The following GPC6 variants were observed in gnomAD, a reference collection of about 807,000 sequenced individuals.
GPC6 encodes the protein glypican 6.
A neutral mutation model predicts 55.2 loss-of-function variants in GPC6; 14 were observed. The ratio of observed to expected loss-of-function variants is 0.25; its 90% CI spans 0.17 to 0.40. GPC6 has a LOEUF of 0.40. GPC6 is among the 10% of genes least tolerant of loss of function. GPC6 has a pLI of 1.00. For missense variants in GPC6, 641 were observed against 708.5 expected (o/e 0.90, Z 1.08); for synonymous variants, 278 against 259.6 (o/e 1.07, Z -0.68).
At chr13:94,254,356 T>A (rs56377779) in intron 4 of GPC6, among the ~76,000 whole-genome samples, 38,243 of 152,018 alleles carry the variant, frequency 0.25, 5,080 homozygotes, top group Non-Finnish European at 0.3. Context: ...GATTGAGATT[T>A]TGTTTGCCTC....
intron 1 of GPC6, among the ~76,000 whole-genome samples, chr13:93,451,166 G>A (rs917682759): frequency 3.9e-5 from 6 of 152,202 alleles, no homozygotes; most frequent in African/African-American, 1.2e-4. Flanking sequence ...CATGTGGAGA[G>A]GACCAGGTTA....
At chr13:93,921,446 TAA>T (rs1877564328) in intron 3 of GPC6, among the ~76,000 whole-genome samples, 5 of 152,070 alleles carry the variant, frequency 3.3e-5, no homozygotes, top group African/African-American at 1.2e-4. Context: ...TGGAGGATAG[TAA>T]ATGTAGGGGA....
intron 2 of GPC6, among the ~76,000 whole-genome samples, chr13:93,580,261 C>T (rs1437110478): frequency 6.6e-6 from 1 of 152,156 alleles, no homozygotes; most frequent in Non-Finnish European, 1.5e-5. Flanking sequence ...TAATCTCATT[C>T]ATGAGGGCTC....
intron 4 of GPC6, among the ~76,000 whole-genome samples, chr13:94,104,434 A>G (rs1249968956): frequency 1.3e-5 from 2 of 151,958 alleles, no homozygotes; most frequent in East Asian, 1.9e-4. Flanking sequence ...CTCTCTCACC[A>G]CTCCTATTCA....
intron 2 of GPC6, among the ~76,000 whole-genome samples, chr13:93,744,085 T>C (rs1281260562): frequency 6.6e-6 from 1 of 152,224 alleles, no homozygotes; most frequent in African/African-American, 2.4e-5. Context: ...TAATTCCTTT[T>C]ATACTGTGTT....
At chr13:94,162,582 G>A (rs997647410) in intron 4 of GPC6, among the ~76,000 whole-genome samples, 1 of 152,192 alleles carries the variant, frequency 6.6e-6, no homozygotes, top group Non-Finnish European at 1.5e-5. Context: ...GCTCTGCCTG[G>A]AAATCCAGGG....
intron 2 of GPC6, among the ~76,000 whole-genome samples, chr13:93,697,688 C>G (rs1018586925): frequency 4.6e-5 from 7 of 152,132 alleles, no homozygotes; most frequent in African/African-American, 1.7e-4. Flanking sequence ...TTAGAACTAA[C>G]AAATAATGTT....
At chr13:94,328,585 G>C (rs1027561449) in intron 6 of GPC6, among the ~76,000 whole-genome samples, 1 of 152,224 alleles carries the variant, frequency 6.6e-6, no homozygotes, top group African/African-American at 2.4e-5. Flanking sequence ...AGGAGCAGAC[G>C]TGAAGAGAGA....
intron 2 of GPC6, among the ~76,000 whole-genome samples, chr13:93,639,867 T>C (rs571897667): frequency 6.6e-6 from 1 of 152,178 alleles, no homozygotes; most frequent in Non-Finnish European, 1.5e-5. Context: ...TTAGCATTAC[T>C]GTAATTATAA....
intron 1 of GPC6, among the ~76,000 whole-genome samples, chr13:93,492,400 A>T (rs1385937531): frequency 6.7e-6 from 1 of 148,380 alleles, no homozygotes; most frequent in African/African-American, 2.5e-5. Flanking sequence ...GAAGTTGCTT[A>T]TCAGCTTAAG....
intron 2 of GPC6, among the ~76,000 whole-genome samples, chr13:93,555,830 G>A (rs1875431238): frequency 6.6e-6 from 1 of 152,092 alleles, no homozygotes; most frequent in African/African-American, 2.4e-5. Context: ...TCTTTGGTCT[G>A]GACTGAACTC....
chr13:94,265,047 A>G (rs1891758146), intron 4 of GPC6, among the ~76,000 whole-genome samples: 3 of 152,204 alleles, frequency 2.0e-5, no homozygotes. Context: ...TATGGGAGCT[A>G]CAACTCAAGA....
chr13:94,029,957 G>A (rs150282683), intron 4 of GPC6, among the ~76,000 whole-genome samples: 1 of 151,964 alleles, frequency 6.6e-6, no homozygotes, highest in East Asian at 1.9e-4. Context: ...AAAAGCAAGC[G>A]TGGTGGTTCG....
chr13:93,344,286 A>G (rs1410259312), intron 1 of GPC6, among the ~76,000 whole-genome samples: 1 of 152,220 alleles, frequency 6.6e-6, no homozygotes, highest in Non-Finnish European at 1.5e-5. Flanking sequence ...GCAAGTGGGC[A>G]GGGCCAGAAG....
rs1277515183 is a variant in GPC6 at position 93,640,729 on chromosome 13, TTCCCTCCCTCCTCCCCACTTTCCTTCCC to T, written c.319+95316_319+95343del. Among the ~76,000 whole-genome samples the T allele has an allele frequency of 0.029, 104 of 3,604 alleles. 7 individuals carry two copies. In the South Asian group the frequency reaches 0.33, roughly 11 times the overall value. 2.4% of individuals were successfully genotyped at this position (3,604 alleles called of 152,430 possible). A position where few individuals can be genotyped will look rare whatever the true frequency, so the allele number is the denominator to read the frequency against. ...CAGTCCTCCCTCCTCCCCACTTTCC[TTCCCTCCCTCCTCCCCACTTTCCTTCCC>T]TCCCTCCTCCCCACTTTCCTTCCCT... is the stretch of plus-strand genomic sequence containing the variant. On this transcript the variant is annotated intron_variant, in intron 2 of 8. Transcript: ENST00000377047.
intron 2 of GPC6, among the ~76,000 whole-genome samples, chr13:93,706,730 A>G (rs1882859810): frequency 6.6e-6 from 1 of 151,888 alleles, no homozygotes; most frequent in African/African-American, 2.4e-5. Flanking sequence ...TCAATAGTTT[A>G]ATAATGGAGA....
chr13:93,550,794 G>A (rs75589845), intron 2 of GPC6, among the ~76,000 whole-genome samples: 1 of 152,040 alleles, frequency 6.6e-6, no homozygotes, highest in African/African-American at 2.4e-5. Context: ...GATATTTTTT[G>A]TATGTGTGTG....
chr13:93,382,293 A>G (rs922654223), intron 1 of GPC6, among the ~76,000 whole-genome samples: 4 of 152,178 alleles, frequency 2.6e-5, no homozygotes, highest in Admixed American at 6.5e-5. Flanking sequence ...ATTCATTTTT[A>G]TTCCTCCTTA....
chr13:93,518,094 G>C (rs1228404286), intron 1 of GPC6, among the ~76,000 whole-genome samples: 1 of 151,794 alleles, frequency 6.6e-6, no homozygotes, highest in Admixed American at 6.6e-5. Flanking sequence ...CAGTTTTTCA[G>C]TTTTGTTTGG....
Sources: allele counts gnomAD v4.1 joint callset (sites outside exome capture counted in the v4.1 genomes callset), GRCh38; gene constraint gnomAD v4.1.1; transcripts MANE v1.5; gene names NCBI Gene and HGNC (gene_info 2026-07-23, HGNC 2026-07-21).